The following NCOR1 variants were observed in gnomAD, a reference collection of about 807,000 sequenced individuals.
NCOR1 encodes the protein protein phosphatase 1, regulatory subunit 109.
A neutral mutation model predicts 288.1 loss-of-function variants in NCOR1; 63 were observed. The ratio of observed to expected loss-of-function variants is 0.22; its 90% CI spans 0.18 to 0.27. NCOR1 has a LOEUF of 0.27. NCOR1 is among the 10% of genes least tolerant of loss of function. NCOR1 has a pLI of 1.00. For missense variants in NCOR1, 2,397 were observed against 3,019.2 expected (o/e 0.79, Z 4.83); for synonymous variants, 1,007 against 1,065.9 (o/e 0.94, Z 1.08).
In NCOR1 at chr17:16,095,891, C is replaced by A. The variant is rs1057191039; in HGVS notation, c.2820+2476G>T. On this transcript the variant is annotated intron_variant, in intron 21 of 45. Coordinates refer to ENST00000268712, the MANE Select transcript of NCOR1 (RefSeq NM_006311.4). The stretch of plus-strand genomic sequence containing the variant: ...CGGTTTTGTGGAATAGAAAAGGGGG[C>A]AAGGTGGGGAAAAGATTGAGAAATC... Among the ~76,000 whole-genome samples the A allele has an allele frequency of 2.2e-4, 33 of 152,034 alleles. No homozygotes were observed. The South Asian group carries it at 2.3e-3, about 11-fold the overall frequency.
intron 4 of NCOR1, among the ~76,000 whole-genome samples, chr17:16,168,227 T>C (rs901581926): frequency 2.0e-5 from 3 of 152,120 alleles, no homozygotes; most frequent in African/African-American, 7.2e-5. Context: ...TGAGATGAAG[T>C]CTCACTCTTG....
At position 16,215,369 on chromosome 17, in the gene NCOR1, T is replaced by C; in HGVS notation, c.-78A>G. On this transcript the variant is annotated 5_prime_UTR_variant, in exon 1 of 46. Transcript: ENST00000268712. ...GCGCCAGGGCCTACTCACCGGGAGC[T>C]GGCTAAGCGTGGGAGCCGACGTGCG... is the stretch of plus-strand genomic sequence containing the variant. The C allele has an allele frequency of 2.5e-6, 1 of 394,348 alleles. No homozygotes were observed. The highest frequency in any genetic ancestry group is 4.5e-6 in the Non-Finnish European group (1 of 223,412). The allele number at this position is 394,348 out of a possible 1,614,324, so 24.4% of individuals were successfully genotyped here.
chr17:16,075,482 GTTT>G, intron 27 of NCOR1, 49 bp downstream of exon 27: 1 of 1,576,204 alleles, frequency 6.3e-7, no homozygotes, highest in Non-Finnish European at 8.7e-7. Flanking sequence ...CCAAGCCTAT[GTTT>G]TTAGCACATA....
chr17:16,094,768 T>G (rs996124222), intron 21 of NCOR1, among the ~76,000 whole-genome samples: 1 of 152,212 alleles, frequency 6.6e-6, no homozygotes, highest in Non-Finnish European at 1.5e-5. Flanking sequence ...GGTTTCGCTG[T>G]GTTGGCTGGG....
chr17:16,127,314 T>TATATATGTATGTATATATAC (rs1568196299), intron 14 of NCOR1, among the ~76,000 whole-genome samples: 2 of 44,034 alleles, frequency 4.5e-5, no homozygotes, highest in East Asian at 2.6e-4. Context: ...TATATACATG[T>TATATATGTATGTATATATAC]ATGTATATAT....
At chr17:16,127,437 GTATATATGTGTATATGTATA>G (rs1568201720) in intron 14 of NCOR1, among the ~76,000 whole-genome samples, 1 of 143,634 alleles carries the variant, frequency 7.0e-6, no homozygotes, top group East Asian at 2.0e-4. Context: ...ATATGTGTAT[GTATATATGTGTATATGTATA>G]TATACGTGTA....
At position 16,056,343 on chromosome 17, in the gene NCOR1, C is replaced by T. The variant is rs144046357; in HGVS notation, c.6392+1171G>A. Among the ~76,000 whole-genome samples, 821 of 122,888 alleles carry T rather than the reference C, an allele frequency of 6.7e-3. 14 individuals are homozygous for T. The highest frequency in any genetic ancestry group is 0.024 in the African/African-American group (764 of 32,384). The allele number at this position is 122,888 out of a possible 152,430, so 80.6% of individuals were successfully genotyped here. A position where few individuals can be genotyped will look rare whatever the true frequency, so the allele number is the denominator to read the frequency against. ...TTTTTTTTTTTTTGAGACGGAGTCT[C>T]GCTCTGTCGCCCAGGCTGCAGTGCA... On this transcript the variant is annotated intron_variant, in intron 40 of 45. Coordinates refer to ENST00000268712, the MANE Select transcript of NCOR1 (RefSeq NM_006311.4).
At chr17:16,101,099 A>T in intron 20 of NCOR1, 151 bp downstream of exon 20, 1 of 701,154 alleles carries the variant, frequency 1.4e-6, no homozygotes, top group Non-Finnish European at 2.3e-6. Context: ...TTATTTAAAC[A>T]GAACAGTATC....
chr17:16,209,254 G>A (rs1159385379), intron 1 of NCOR1, among the ~76,000 whole-genome samples: 3 of 151,854 alleles, frequency 2.0e-5, no homozygotes, highest in Non-Finnish European at 4.4e-5. Context: ...GTAGAGTTTG[G>A]AAGAGTAAGG....
intron 14 of NCOR1, among the ~76,000 whole-genome samples, chr17:16,136,771 C>T (rs531244786): frequency 1.4e-5 from 2 of 143,936 alleles, no homozygotes; most frequent in East Asian, 4.1e-4. Context: ...AGCACCACTG[C>T]ACTCCAGCCT....
intron 1 of NCOR1, among the ~76,000 whole-genome samples, chr17:16,214,871 T>A (rs1390172690): frequency 6.6e-6 from 1 of 152,222 alleles, no homozygotes; most frequent in East Asian, 1.9e-4. Context: ...CATTACACCC[T>A]GAAGCGGTCT....
Position 16,209,637 on chromosome 17 carries a change from T to TAAA in NCOR1, c.-71+5722_-71+5724dup, listed in dbSNP as rs34131313. Among the ~76,000 whole-genome samples the TAAA allele has an allele frequency of 5.0e-3, 716 of 142,390 alleles. 8 individuals are homozygous for TAAA. Among genetic ancestry groups the TAAA allele is most frequent in the African/African-American group, 0.017 (668 of 39,004 alleles). 93.4% of individuals were successfully genotyped at this position (142,390 alleles called of 152,430 possible). A position where few individuals can be genotyped will look rare whatever the true frequency, so the allele number is the denominator to read the frequency against. On this transcript the variant is annotated intron_variant, in intron 1 of 45. Transcript: ENST00000268712. The stretch of plus-strand genomic sequence containing the variant: ...AATATTACAAATAAGCTTTTGGATG[T>TAAA]AAAAAAAAAAAAAAACCATAAAGAA...
intron 21 of NCOR1, among the ~76,000 whole-genome samples, chr17:16,093,389 CCT>C (rs1176487970): frequency 2.6e-5 from 4 of 152,174 alleles, no homozygotes; most frequent in African/African-American, 9.7e-5. Context: ...TGATACCCTC[CCT>C]GTTTTCCTTC....
intron 2 of NCOR1, 147 bp from the exon 3 acceptor site, chr17:16,186,834 C>G: frequency 1.4e-6 from 1 of 691,252 alleles, no homozygotes; most frequent in South Asian, 2.2e-5. Flanking sequence ...CTAATTCTTC[C>G]CCTTAAAATA....
At chr17:16,080,835 T>A (rs2063285602) in intron 23 of NCOR1, 108 bp from the exon 24 acceptor site, 45 of 912,212 alleles carry the variant, frequency 4.9e-5, no homozygotes, top group Non-Finnish European at 6.2e-5. Flanking sequence ...AAAAAAAAAA[T>A]TATACCCCTT....
intron 1 of NCOR1, among the ~76,000 whole-genome samples, chr17:16,202,360 C>G (rs1345081946): frequency 2.0e-5 from 3 of 151,208 alleles, no homozygotes. Flanking sequence ...GAGATCGCAC[C>G]CCTGCACTCC....
At chr17:16,185,404 C>T (rs1289654659) in intron 3 of NCOR1, among the ~76,000 whole-genome samples, 1 of 151,846 alleles carries the variant, frequency 6.6e-6, no homozygotes, top group Non-Finnish European at 1.5e-5. Flanking sequence ...AAAATTCTGG[C>T]GAGGTGCAGT....
intron 11 of NCOR1, among the ~76,000 whole-genome samples, chr17:16,140,718 G>T (rs1333988236): frequency 6.6e-6 from 1 of 152,148 alleles, no homozygotes; most frequent in East Asian, 1.9e-4. Flanking sequence ...GGAGGCTGAG[G>T]GAGTAGAATC....
At chr17:16,170,201 T>C (rs1350233386) in intron 4 of NCOR1, among the ~76,000 whole-genome samples, 5 of 151,970 alleles carry the variant, frequency 3.3e-5, no homozygotes, top group Admixed American at 3.3e-4. Context: ...ATCTTTTAAA[T>C]TACTCTTCAT....
Sources: allele counts gnomAD v4.1 joint callset (sites outside exome capture counted in the v4.1 genomes callset), GRCh38; gene constraint gnomAD v4.1.1; transcripts MANE v1.5; gene names NCBI Gene and HGNC (gene_info 2026-07-23, HGNC 2026-07-21).